The following MSI2 variants were observed in gnomAD, a reference collection of about 807,000 sequenced individuals.
MSI2 encodes the protein musashi RNA binding protein 2, also known as RNA-binding protein Musashi homolog 2.
A neutral mutation model predicts 45.6 loss-of-function variants in MSI2; 17 were observed. The observed-to-expected ratio is 0.37, with a 90% CI of 0.26 to 0.56. The LOEUF (loss-of-function observed/expected upper bound fraction) is 0.56, where lower values mean the gene tolerates loss of function less well. Ranked by LOEUF, MSI2 falls within the 20% of genes least tolerant of loss-of-function variation. The pLI, the probability that MSI2 is intolerant of heterozygous loss-of-function variation, is 0.77. For missense variants in MSI2, 293 were observed against 444.2 expected (o/e 0.66, Z 3.06); for synonymous variants, 156 against 158.2 (o/e 0.99, Z 0.11).
chr17:57,266,294 A>T (rs1393570195), intron 5 of MSI2: 1 of 152,138 alleles, frequency 6.6e-6, no homozygotes, highest in African/African-American at 2.4e-5. Flanking sequence ...AAAATTCTTC[A>T]CTGGGAGTCT....
At chr17:57,411,248 C>G (rs565989860) in intron 6 of MSI2, among the ~76,000 whole-genome samples, 37 of 152,350 alleles carry the variant, frequency 2.4e-4, no homozygotes, top group Admixed American at 2.0e-3. Flanking sequence ...CTCAAGTGAT[C>G]TGCCTGCCTC....
intron 11 of MSI2, among the ~76,000 whole-genome samples, chr17:57,672,587 A>G: frequency 6.6e-6 from 1 of 152,186 alleles, no homozygotes; most frequent in East Asian, 1.9e-4. Flanking sequence ...GGGCCTGCCC[A>G]ACACCTTCCT....
chr17:57,418,834 ACTGTTTAGGT>A (rs1340760604), intron 6 of MSI2, among the ~76,000 whole-genome samples: 1 of 152,212 alleles, frequency 6.6e-6, no homozygotes, highest in Non-Finnish European at 1.5e-5. Flanking sequence ...ATTAATCTGC[ACTGTTTAGGT>A]CTGTAAAAAA....
intron 5 of MSI2, among the ~76,000 whole-genome samples, chr17:57,390,924 A>G (rs1349253344): frequency 1.3e-5 from 2 of 152,222 alleles, no homozygotes; most frequent in Non-Finnish European, 2.9e-5. Context: ...CCCAAATGTC[A>G]TAGTGAAGGA....
chr17:57,258,213 G>A (rs1460293145), intron 3 of MSI2, 57 bp from the exon 4 acceptor site: 4 of 1,503,916 alleles, frequency 2.7e-6, no homozygotes, highest in Non-Finnish European at 3.7e-6. Context: ...ACTCCTGGTT[G>A]CTTTCAATGG....
At chr17:57,494,499 A>G (rs12936010) in intron 6 of MSI2, among the ~76,000 whole-genome samples, 25,370 of 152,134 alleles carry the variant, frequency 0.17, 2,436 homozygotes, top group African/African-American at 0.24. Context: ...AATAAGACCA[A>G]TAACTACATA....
intron 10 of MSI2, among the ~76,000 whole-genome samples, chr17:57,638,735 TAAAAAA>T (rs1276764924): frequency 3.9e-5 from 2 of 51,352 alleles, no homozygotes; most frequent in Non-Finnish European, 5.4e-5. Flanking sequence ...ACAAAATATT[TAAAAAA>T]TATTTAAAAA....
At chr17:57,423,974 C>A (rs1167932466) in intron 6 of MSI2, among the ~76,000 whole-genome samples, 1 of 152,198 alleles carries the variant, frequency 6.6e-6, no homozygotes, top group East Asian at 1.9e-4. Context: ...GATGAATAAA[C>A]CAAGAGGACA....
At chr17:57,480,131 T>G (rs2085619466) in intron 6 of MSI2, among the ~76,000 whole-genome samples, 1 of 152,066 alleles carries the variant, frequency 6.6e-6, no homozygotes, top group South Asian at 2.1e-4. Context: ...ACCACCATGC[T>G]CGTTTAATTT....
In MSI2 at chr17:57,256,596, C is replaced by T; in HGVS notation, c.-147C>T. The T allele has an allele frequency of 5.0e-6, 2 of 398,522 alleles. No individual in the cohort carries two copies. Among genetic ancestry groups the T allele is most frequent in the Non-Finnish European group, 4.2e-6 (1 of 237,132 alleles). 24.7% of individuals were successfully genotyped at this position (398,522 alleles called of 1,614,324 possible). A position where few individuals can be genotyped will look rare whatever the true frequency, so the allele number is the denominator to read the frequency against. ...TCGCCGCTGCCCCGGCTCCGCCGCT[C>T]GCAGAGAGATTCGGAGGAGCCCGGG... is the stretch of plus-strand genomic sequence containing the variant. On this transcript the variant is annotated 5_prime_UTR_variant, in exon 1 of 14. Transcript: ENST00000284073.
At chr17:57,612,676 G>C (rs1181336715) in intron 8 of MSI2, among the ~76,000 whole-genome samples, 1 of 152,202 alleles carries the variant, frequency 6.6e-6, no homozygotes, top group African/African-American at 2.4e-5. Context: ...TTCAGTGAGA[G>C]GAAGAGTAGG....
intron 11 of MSI2, among the ~76,000 whole-genome samples, chr17:57,663,242 C>T (rs1426143882): frequency 6.6e-6 from 1 of 152,158 alleles, no homozygotes; most frequent in African/African-American, 2.4e-5. Context: ...GGCTGGGCAC[C>T]CGGTACCATG....
In MSI2 at chr17:57,281,278, G is replaced by A. The variant is rs577754304; in HGVS notation, c.312+19086G>A. Among the ~76,000 whole-genome samples, 23 of 152,296 alleles carry A rather than the reference G, an allele frequency of 1.5e-4. No homozygotes were observed. The South Asian group carries it at 1.9e-3, about 12-fold the overall frequency. On this transcript the variant is annotated intron_variant, in intron 5 of 13. Coordinates refer to ENST00000284073, the MANE Select transcript of MSI2 (RefSeq NM_138962.4). ...CCTGATCTTCTAAAGAGAGCATCACGTGAGGGATATAGTGTCAGTTCTCAG... is the reference window on the plus strand; with the variant it reads ...CCTGATCTTCTAAAGAGAGCATCACATGAGGGATATAGTGTCAGTTCTCAG...
intron 6 of MSI2, among the ~76,000 whole-genome samples, chr17:57,401,795 G>T (rs981814663): frequency 2.0e-5 from 3 of 152,144 alleles, no homozygotes; most frequent in African/African-American, 7.2e-5. Flanking sequence ...GTGACTCGCA[G>T]GGCAGGAGCT....
In MSI2 at chr17:57,345,711, C is replaced by T. The variant is rs370653177; in HGVS notation, c.313-55668C>T. Among the ~76,000 whole-genome samples, 45 of 150,606 alleles carry T rather than the reference C, an allele frequency of 3.0e-4. 4 individuals are homozygous for T. The highest frequency in any genetic ancestry group is 1.8e-3 in the Admixed American group (27 of 15,010). ...GTGCATGCCTGTAATCCCAGCTACT[C>T]GGGAGGCTAAGGCAGGAGAATCGCT... On this transcript the variant is annotated intron_variant, in intron 5 of 13. Coordinates refer to ENST00000284073, the MANE Select transcript of MSI2 (RefSeq NM_138962.4).
intron 6 of MSI2, among the ~76,000 whole-genome samples, chr17:57,515,600 G>T (rs1320977815): frequency 6.6e-6 from 1 of 152,158 alleles, no homozygotes; most frequent in Non-Finnish European, 1.5e-5. Flanking sequence ...CCTCTAGTGG[G>T]CGCTAGGTAG....
chr17:57,454,201 T>C (rs1013029763), intron 6 of MSI2, among the ~76,000 whole-genome samples: 1 of 152,092 alleles, frequency 6.6e-6, no homozygotes, highest in African/African-American at 2.4e-5. Context: ...GGCGGAGTGA[T>C]GATTAATAGT....
intron 8 of MSI2, among the ~76,000 whole-genome samples, chr17:57,604,335 T>G (rs1472474598): frequency 1.3e-5 from 2 of 152,200 alleles, no homozygotes; most frequent in Non-Finnish European, 2.9e-5. Flanking sequence ...TTCTTAGAAT[T>G]ATTTTACTGA....
chr17:57,469,738 A>G (rs1422467555), intron 6 of MSI2, among the ~76,000 whole-genome samples: 1 of 152,232 alleles, frequency 6.6e-6, no homozygotes, highest in Non-Finnish European at 1.5e-5. Flanking sequence ...CTGGTGAGAG[A>G]GGGCACATCT....
Sources: allele counts gnomAD v4.1 joint callset (sites outside exome capture counted in the v4.1 genomes callset), GRCh38; gene constraint gnomAD v4.1.1; transcripts MANE v1.5; gene names NCBI Gene and HGNC (gene_info 2026-07-23, HGNC 2026-07-21).